The following EIPR1 variants were observed in gnomAD, a reference collection of about 807,000 sequenced individuals.
EIPR1 encodes the protein EARP complex and GARP complex interacting protein 1.
EIPR1 carries 25 observed loss-of-function variants against 48.1 expected under a neutral mutation model. The ratio of observed to expected loss-of-function variants is 0.52; its 90% CI spans 0.38 to 0.73. EIPR1 has a LOEUF of 0.73. Ranked by LOEUF, EIPR1 falls within the 30% of genes least tolerant of loss-of-function variation. The pLI is 0.00. For synonymous variants in EIPR1, 204 were observed against 201.9 expected (o/e 1.01, Z -0.09); for missense variants, 415 against 506.2 (o/e 0.82, Z 1.73).
intron 4 of EIPR1, among the ~76,000 whole-genome samples, chr2:3,238,432 G>A (rs1666486550): frequency 6.6e-6 from 1 of 152,186 alleles, no homozygotes; most frequent in South Asian, 2.1e-4. Context: ...TGGGCTGTGG[G>A]TCCCTGTGGG....
intron 3 of EIPR1, among the ~76,000 whole-genome samples, chr2:3,304,800 A>G (rs867261080): frequency 0.021 from 773 of 37,292 alleles, no homozygotes; most frequent in African/African-American, 0.026. Context: ...GTCCCGTCCA[A>G]TTCAGCCCTC....
intron 2 of EIPR1, among the ~76,000 whole-genome samples, chr2:3,339,684 C>T (rs1670172133): frequency 6.6e-6 from 1 of 152,002 alleles, no homozygotes; most frequent in East Asian, 1.9e-4. Flanking sequence ...CGCGGTGGCT[C>T]ACGCCTGTAA....
intron 6 of EIPR1, chr2:3,194,429 T>C (rs1244224981): frequency 3.3e-6 from 1 of 301,114 alleles, no homozygotes. Flanking sequence ...ATTTTTGCTT[T>C]GTAGCCGTCA....
chr2:3,212,925 T>A (rs1338444358), intron 5 of EIPR1, among the ~76,000 whole-genome samples: 2 of 152,222 alleles, frequency 1.3e-5, no homozygotes, highest in African/African-American at 4.8e-5. Context: ...GACTCCCTTT[T>A]GTCCATTCAG....
chr2:3,364,339 G>A (rs957108199), intron 1 of EIPR1, among the ~76,000 whole-genome samples: 2 of 152,108 alleles, frequency 1.3e-5, no homozygotes, highest in South Asian at 4.2e-4. Context: ...CCATAAAAAA[G>A]AATAAAATTG....
In EIPR1 at chr2:3,189,143, G is replaced by T; in HGVS notation, c.*191C>A. 2.1e-6 allele frequency: 1 copy of T among 482,520 alleles called. No individual in the cohort carries two copies. 29.9% of individuals were successfully genotyped at this position (482,520 alleles called of 1,614,324 possible). ...CTCTGCCGACAGGGGCTGGGTTCGG[G>T]CATTAGCTGTGCCGTCGACAATAGC... On this transcript the variant is annotated 3_prime_UTR_variant, in exon 9 of 9. Coordinates refer to ENST00000382125, the MANE Select transcript of EIPR1 (RefSeq NM_003310.5). This position sits in a 1 kb window ranked among gnomAD's most constrained non-coding sequence, Gnocchi z 4.6.
In EIPR1 at chr2:3,338,055, G is replaced by A. The variant is rs3211227; in HGVS notation, c.221C>T (p.Pro74Leu). 1.9e-6 allele frequency: 3 copies of A among 1,612,620 alleles called. No individual in the cohort carries two copies. Among genetic ancestry groups the A allele is most frequent in the Non-Finnish European group, 2.5e-6 (3 of 1,179,784 alleles). Reference sequence around the variant, plus strand: ...GGTCGTCAGCACACCTCTGTCTGCAGGGCTAGCGCTAATATGCCAGATTTC... The same window carrying A: ...GGTCGTCAGCACACCTCTGTCTGCAAGGCTAGCGCTAATATGCCAGATTTC... ...AGEIWHISASPADRGVLTTCY... is the reference protein window; with the variant it reads ...AGEIWHISASLADRGVLTTCY... The change falls in exon 3 of 9, where the codon CCT becomes CTT. Residue 74 changes from proline to leucine, a missense_variant. Transcript: ENST00000382125.
intron 3 of EIPR1, among the ~76,000 whole-genome samples, chr2:3,310,561 G>A (rs1442846045): frequency 6.8e-6 from 1 of 147,070 alleles, no homozygotes; most frequent in Non-Finnish European, 1.5e-5. Flanking sequence ...GCTGAGGCAG[G>A]AGAATGGCGT....
At chr2:3,304,842 T>TTCAGCCCTCCACTCCCGC (rs1668873969) in intron 3 of EIPR1, among the ~76,000 whole-genome samples, 1 of 101,862 alleles carries the variant, frequency 9.8e-6, no homozygotes, top group African/African-American at 3.9e-5. Context: ...TCCAGTCCCG[T>TTCAGCCCTCCACTCCCGC]CCAGTTCAGC....
intron 5 of EIPR1, among the ~76,000 whole-genome samples, chr2:3,209,179 G>A (rs114492687): frequency 1.1e-4 from 17 of 152,258 alleles, no homozygotes; most frequent in East Asian, 1.9e-4. Flanking sequence ...AGGCCCACGC[G>A]GCACATAAGG....
intron 3 of EIPR1, chr2:3,274,263 A>G (rs1006893056): frequency 6.6e-7 from 1 of 1,520,444 alleles, no homozygotes; most frequent in Non-Finnish European, 8.8e-7. Context: ...TCCAAGTACC[A>G]TAATTAAAAA....
At chr2:3,334,602 C>T (rs570957675) in intron 3 of EIPR1, among the ~76,000 whole-genome samples, 41 of 152,344 alleles carry the variant, frequency 2.7e-4, no homozygotes, top group African/African-American at 8.9e-4. Flanking sequence ...GTGTGTGCTT[C>T]GAAGGGCGAA....
intron 3 of EIPR1, chr2:3,301,416 G>T (rs1422651347): frequency 6.6e-6 from 1 of 152,176 alleles, no homozygotes; most frequent in Non-Finnish European, 1.5e-5. Flanking sequence ...AGGTCACTAA[G>T]TTAGAGAATG....
chr2:3,371,855 T>A (rs906133170), intron 1 of EIPR1, among the ~76,000 whole-genome samples: 3 of 152,300 alleles, frequency 2.0e-5, no homozygotes, highest in African/African-American at 7.2e-5. Context: ...TACCCAGGAA[T>A]TGAACTCAGC....
chr2:3,240,335 T>C (rs1457872649), intron 4 of EIPR1, among the ~76,000 whole-genome samples: 1,330 of 138,374 alleles, frequency 9.6e-3, no homozygotes, highest in Middle Eastern at 0.023. Context: ...AGCCAGCAGA[T>C]CCTTCCTAAA....
chr2:3,307,431 T>C (rs1389548173), intron 3 of EIPR1, among the ~76,000 whole-genome samples: 2 of 152,174 alleles, frequency 1.3e-5, no homozygotes, highest in African/African-American at 2.4e-5. Context: ...GGCACAGTGT[T>C]CATGCAGGAG....
chr2:3,353,471 G>A (rs1391983544), intron 2 of EIPR1: 2 of 353,680 alleles, frequency 5.7e-6, no homozygotes, highest in African/African-American at 2.2e-5. Flanking sequence ...GTGTAATAAG[G>A]GAATACTATT....
intron 2 of EIPR1, among the ~76,000 whole-genome samples, chr2:3,344,659 T>C (rs1395877069): frequency 1.4e-5 from 2 of 144,270 alleles, no homozygotes; most frequent in African/African-American, 5.2e-5. Context: ...TTTTTTTTTT[T>C]TGAGACAGAG....
chr2:3,308,369 A>C (rs989595563), intron 3 of EIPR1, among the ~76,000 whole-genome samples: 2 of 152,258 alleles, frequency 1.3e-5, no homozygotes, highest in African/African-American at 4.8e-5. Flanking sequence ...AGAAAATTTC[A>C]ACAAAGAGAT....
Sources: gnomAD v4.1 joint callset for allele counts (sites outside exome capture counted in the v4.1 genomes callset) on GRCh38, gnomAD v4.1.1 for gene constraint, Gnocchi (gnomAD v3.1) non-coding constraint, MANE v1.5 for transcripts, NCBI Gene and HGNC (gene_info 2026-07-23, HGNC 2026-07-21) for gene names.